GABRB3: variants seen among roughly 807,000 people sequenced by gnomAD.
GABRB3 encodes gamma-aminobutyric acid receptor subunit beta-3.
A neutral mutation model predicts 52.1 loss-of-function variants in GABRB3; 14 were observed. The observed-to-expected ratio is 0.27, with a 90% confidence interval of 0.18 to 0.42. The LOEUF (loss-of-function observed/expected upper bound fraction) is 0.42. Ranked by LOEUF, GABRB3 falls within the 10% of genes least tolerant of loss-of-function variation. GABRB3 has a pLI of 1.00. For synonymous variants in GABRB3, 260 were observed against 232.3 expected (o/e 1.12, Z -1.08); for missense variants, 307 against 609.1 (o/e 0.50, Z 5.22).
At chr15:26,746,100 G>A (rs530966213) in intron 3 of GABRB3, among the ~76,000 whole-genome samples, 18 of 152,176 alleles carry the variant, frequency 1.2e-4, no homozygotes, top group East Asian at 3.9e-4. Flanking sequence ...GCTTCTCTAC[G>A]TTCTACCCAG....
chr15:26,653,260 G>A (rs1328899769), intron 3 of GABRB3, among the ~76,000 whole-genome samples: 1 of 152,120 alleles, frequency 6.6e-6, no homozygotes, highest in Admixed American at 6.6e-5. Flanking sequence ...TGCAGAAAGA[G>A]GCCAAAAGAT....
At chr15:26,689,018 T>C (rs185583761) in intron 3 of GABRB3, among the ~76,000 whole-genome samples, 6 of 152,368 alleles carry the variant, frequency 3.9e-5, no homozygotes, top group Admixed American at 3.9e-4. Context: ...TTTCAACTCA[T>C]ATTTGTCCTC....
Position 26,545,925 on chromosome 15 carries a change from T to A in GABRB3, c.*1868A>T, listed in dbSNP as rs1027651826. The A allele has an allele frequency of 1.3e-5, 2 of 152,638 alleles. No homozygotes were observed. Among genetic ancestry groups the A allele is most frequent in the African/African-American group, 2.4e-5 (1 of 41,450 alleles). 9.5% of individuals were successfully genotyped at this position (152,638 alleles called of 1,614,324 possible). On this transcript the variant is annotated 3_prime_UTR_variant, in exon 9 of 9. Coordinates refer to ENST00000311550, the MANE Select transcript of GABRB3 (RefSeq NM_000814.6). ...ATTTTGTGGATTATGTTTTATCTGA[T>A]GGTGGGTTTTGAACTGTTGCAGATG...
chr15:26,648,203 T>C (rs961265284), intron 3 of GABRB3, among the ~76,000 whole-genome samples: 6 of 152,216 alleles, frequency 3.9e-5, no homozygotes, highest in South Asian at 2.1e-4. Context: ...CTGAATTTAC[T>C]GCTCTGGGGA....
intron 3 of GABRB3, among the ~76,000 whole-genome samples, chr15:26,691,965 G>C (rs1888602702): frequency 3.3e-5 from 5 of 152,044 alleles, no homozygotes. Flanking sequence ...CTTACACCAG[G>C]GTCATGTGTT....
At chr15:26,577,598 C>A (rs1354966302) in intron 6 of GABRB3, among the ~76,000 whole-genome samples, 1 of 152,032 alleles carries the variant, frequency 6.6e-6, no homozygotes, top group Non-Finnish European at 1.5e-5. Flanking sequence ...TTTTGGAAAA[C>A]CAAAAACAAA....
intron 4 of GABRB3, among the ~76,000 whole-genome samples, chr15:26,607,644 CA>C: frequency 1.3e-5 from 2 of 151,418 alleles, no homozygotes; most frequent in African/African-American, 4.8e-5. Flanking sequence ...AAACAACTTA[CA>C]AAAAACATTA....
rs182546770 is a variant in GABRB3 at position 26,771,501 on chromosome 15, T to C, written c.240+901A>G. On this transcript the variant is annotated intron_variant, in intron 3 of 8. Coordinates refer to ENST00000311550, the MANE Select transcript of GABRB3 (RefSeq NM_000814.6). ...AATTTCTTCCAAAAAACAAATATTGTTTACAAATGCTCCTTCCAGAGTGTC... is the reference window on the plus strand; with the variant it reads ...AATTTCTTCCAAAAAACAAATATTGCTTACAAATGCTCCTTCCAGAGTGTC... Among the ~76,000 whole-genome samples the C allele has an allele frequency of 1.8e-4, 27 of 152,312 alleles. No individual in the cohort carries two copies. In the East Asian group the frequency reaches 5.0e-3, roughly 28 times the overall value.
intron 6 of GABRB3, among the ~76,000 whole-genome samples, chr15:26,578,110 C>T (rs1595454662): frequency 6.6e-6 from 1 of 152,146 alleles, no homozygotes; most frequent in Non-Finnish European, 1.5e-5. Flanking sequence ...TTCGGGAATA[C>T]TCTCTCAGGC....
chr15:26,624,243 C>A, intron 3 of GABRB3: 3 of 985,692 alleles, frequency 3.0e-6, no homozygotes, highest in Non-Finnish European at 3.6e-6. Context: ...GGAACTGAGG[C>A]GTGCAAAGTT....
chr15:26,658,703 G>C (rs1288907706), intron 3 of GABRB3: 1 of 152,188 alleles, frequency 6.6e-6, no homozygotes, highest in Non-Finnish European at 1.5e-5. Context: ...ATTTGCACGA[G>C]GTTCCCTGTC....
intron 3 of GABRB3, among the ~76,000 whole-genome samples, chr15:26,716,102 T>C (rs1889457158): frequency 2.0e-5 from 3 of 152,232 alleles, no homozygotes; most frequent in South Asian, 2.1e-4. Context: ...ATCAATATCC[T>C]GACTCAAGGG....
chr15:26,607,773 A>G (rs1475367496), intron 4 of GABRB3, among the ~76,000 whole-genome samples: 1 of 152,120 alleles, frequency 6.6e-6, no homozygotes, highest in Non-Finnish European at 1.5e-5. Flanking sequence ...AAATTTAACC[A>G]AGGAAATGAA....
chr15:26,635,001 T>G (rs868455620), intron 3 of GABRB3, among the ~76,000 whole-genome samples: 1,496 of 8,130 alleles, frequency 0.18, 83 homozygotes, highest in Non-Finnish European at 0.44. Flanking sequence ...TATATATATA[T>G]ATATATATAA....
At chr15:26,623,747 GA>G (rs1892576193) in intron 3 of GABRB3, among the ~76,000 whole-genome samples, 1 of 152,090 alleles carries the variant, frequency 6.6e-6, no homozygotes. Flanking sequence ...CCAAGGGCCT[GA>G]AATTATTTAA....
chr15:26,731,453 T>C (rs1288092277), intron 3 of GABRB3, among the ~76,000 whole-genome samples: 1 of 152,230 alleles, frequency 6.6e-6, no homozygotes, highest in Non-Finnish European at 1.5e-5. Flanking sequence ...TTGGAGTCCA[T>C]ACAGAGGAGG....
chr15:26,739,894 T>C (rs974513375), intron 3 of GABRB3, among the ~76,000 whole-genome samples: 2 of 152,126 alleles, frequency 1.3e-5, no homozygotes, highest in Non-Finnish European at 2.9e-5. Flanking sequence ...TCCATTCTTA[T>C]CTTCAGAAAA....
chr15:26,680,130 G>C (rs550774876), intron 3 of GABRB3, among the ~76,000 whole-genome samples: 1 of 152,314 alleles, frequency 6.6e-6, no homozygotes, highest in East Asian at 1.9e-4. Context: ...CATCCAATCA[G>C]TCGAAGGTCC....
chr15:26,596,979 G>C (rs1891416017), intron 4 of GABRB3, among the ~76,000 whole-genome samples: 1 of 151,942 alleles, frequency 6.6e-6, no homozygotes, highest in Non-Finnish European at 1.5e-5. Flanking sequence ...AATACAGCAA[G>C]GGGGGCTGAG....
Sources: allele counts gnomAD v4.1 joint callset (sites outside exome capture counted in the v4.1 genomes callset), GRCh38; gene constraint gnomAD v4.1.1; transcripts MANE v1.5; gene names NCBI Gene and HGNC (gene_info 2026-07-23, HGNC 2026-07-21).